RAB3GAP2: variants seen among roughly 807,000 people sequenced by gnomAD.
The protein encoded by RAB3GAP2 is rab3 GTPase-activating protein non-catalytic subunit.
RAB3GAP2 carries 87 observed loss-of-function variants against 185.3 expected under a neutral mutation model. The observed-to-expected ratio is 0.47, with a 90% CI of 0.39 to 0.56. The LOEUF is 0.56. Among genes scored for constraint, RAB3GAP2 ranks in the 20% least tolerant of loss-of-function variants. The pLI is 0.00. For synonymous variants in RAB3GAP2, 554 were observed against 576.1 expected (o/e 0.96, Z 0.55); for missense variants, 1,492 against 1,638.2 (o/e 0.91, Z 1.54).
At chr1:220,262,084 T>C (rs1371334330) in intron 1 of RAB3GAP2, among the ~76,000 whole-genome samples, 1 of 146,676 alleles carries the variant, frequency 6.8e-6, no homozygotes, top group Non-Finnish European at 1.5e-5. Flanking sequence ...GGTCAGGAGA[T>C]CGAGACCATC....
chr1:220,170,316 C>T (rs972015110), intron 24 of RAB3GAP2, among the ~76,000 whole-genome samples: 2 of 151,840 alleles, frequency 1.3e-5, no homozygotes, highest in Admixed American at 1.3e-4. Flanking sequence ...TACCTAATGT[C>T]GATGATGGGT....
Position 220,157,284 on chromosome 1 carries a change from G to C in RAB3GAP2, c.3541C>G (p.Leu1181Val). 3 of 1,613,782 alleles carry C rather than the reference G, an allele frequency of 1.9e-6. No individual in the cohort carries two copies. The highest frequency in any genetic ancestry group is 2.5e-6 in the Non-Finnish European group (3 of 1,179,794). The change falls in exon 31 of 35, where the codon CTT (leucine) becomes GTT (valine). Residue 1181 changes from leucine to valine, a missense_variant. By Grantham distance (32) the Leu-to-Val change is conservative. Around this residue, in one of 5 missense-constraint regions of RAB3GAP2, gnomAD observed 387 missense variants for 455.3 expected, o/e 0.85. Coordinates refer to ENST00000358951, the MANE Select transcript of RAB3GAP2 (RefSeq NM_012414.4). ...GAGGTACTTACCTTACTGTCAAAAAGTGAAAGTGGCTTCACGGTCTTCAGA... is the reference window on the plus strand; with the variant it reads ...GAGGTACTTACCTTACTGTCAAAAACTGAAAGTGGCTTCACGGTCTTCAGA... ...FSLKTVKPLS[L>V]FDSKGKNAFF...
intron 21 of RAB3GAP2, among the ~76,000 whole-genome samples, chr1:220,178,909 TAGCTTAGG>T (rs1558146095): frequency 6.6e-6 from 1 of 151,932 alleles, no homozygotes; most frequent in African/African-American, 2.4e-5. Context: ...GAGGAGATAA[TAGCTTAGG>T]CCCAGGAATA....
chr1:220,169,940 A>C (rs1318352163), intron 24 of RAB3GAP2, among the ~76,000 whole-genome samples: 1 of 152,232 alleles, frequency 6.6e-6, no homozygotes, highest in East Asian at 1.9e-4. Context: ...AAGGATTATA[A>C]ATCATTCTTC....
chr1:220,227,563 G>A (rs1659423714), intron 2 of RAB3GAP2, among the ~76,000 whole-genome samples: 1 of 152,290 alleles, frequency 6.6e-6, no homozygotes, highest in Admixed American at 6.5e-5. Flanking sequence ...CTGTGGCAGT[G>A]GCTGCTGCTC....
chr1:220,166,990 GA>G (rs1438262184), intron 26 of RAB3GAP2, among the ~76,000 whole-genome samples: 3 of 152,174 alleles, frequency 2.0e-5, no homozygotes, highest in Non-Finnish European at 4.4e-5. Flanking sequence ...TTTAGATAAA[GA>G]GAACCATATG....
At chr1:220,230,346 C>T (rs536544044) in intron 2 of RAB3GAP2, among the ~76,000 whole-genome samples, 11 of 152,270 alleles carry the variant, frequency 7.2e-5, no homozygotes, top group Admixed American at 3.3e-4. Context: ...AGTTTAAATC[C>T]GGAGTAAGCA....
chr1:220,248,016 A>G (rs1403205379), intron 1 of RAB3GAP2, among the ~76,000 whole-genome samples: 2 of 151,108 alleles, frequency 1.3e-5, no homozygotes, highest in East Asian at 2.0e-4. Context: ...TTTTAAATAA[A>G]AATATTATGA....
At chr1:220,223,978 C>T (rs1659357434) in intron 2 of RAB3GAP2, among the ~76,000 whole-genome samples, 1 of 135,510 alleles carries the variant, frequency 7.4e-6, no homozygotes, top group South Asian at 2.3e-4. Flanking sequence ...TGCACTCCAA[C>T]CTGGGTGACA....
At chr1:220,213,350 GAC>G (rs1659118605) in intron 3 of RAB3GAP2, among the ~76,000 whole-genome samples, 1 of 151,890 alleles carries the variant, frequency 6.6e-6, no homozygotes, top group Admixed American at 6.6e-5. Context: ...GACCATTCTA[GAC>G]ACATTTTACA....
intron 21 of RAB3GAP2, among the ~76,000 whole-genome samples, chr1:220,179,014 A>C (rs1047709011): frequency 6.6e-6 from 1 of 152,202 alleles, no homozygotes; most frequent in African/African-American, 2.4e-5. Flanking sequence ...ATAAAGGCTA[A>C]CATAGACTGA....
intron 2 of RAB3GAP2, among the ~76,000 whole-genome samples, chr1:220,230,005 A>T (rs1440826137): frequency 6.6e-6 from 1 of 152,234 alleles, no homozygotes; most frequent in Non-Finnish European, 1.5e-5. Context: ...CTCCAAGCAC[A>T]TCCCTTTCTG....
At chr1:220,269,457 C>T (rs1342838848) in intron 1 of RAB3GAP2, among the ~76,000 whole-genome samples, 2 of 152,202 alleles carry the variant, frequency 1.3e-5, no homozygotes, top group Non-Finnish European at 2.9e-5. Flanking sequence ...GGTGTGGTGG[C>T]TCATGACTGT....
At chr1:220,151,508 G>T in intron 34 of RAB3GAP2, 98 bp downstream of exon 34, 1 of 1,591,538 alleles carries the variant, frequency 6.3e-7, no homozygotes, top group Non-Finnish European at 8.6e-7. Flanking sequence ...GTAACTAGGT[G>T]AATTAAACTT....
At chr1:220,190,876 C>T (rs1359934523) in intron 14 of RAB3GAP2, among the ~76,000 whole-genome samples, 192 bp downstream of exon 14, 3 of 151,868 alleles carry the variant, frequency 2.0e-5, no homozygotes, top group Admixed American at 2.0e-4. Context: ...TCTATCATGG[C>T]ATTTTTAATT....
intron 19 of RAB3GAP2, 91 bp downstream of exon 19, chr1:220,183,945 T>G (rs976256449): frequency 7.5e-5 from 87 of 1,152,432 alleles, no homozygotes; most frequent in Non-Finnish European, 9.9e-5. Context: ...TAAAAAAAAT[T>G]CTTAATTTTC....
At chr1:220,183,936 A>T (rs1042824137) in intron 19 of RAB3GAP2, 100 bp downstream of exon 19, 8 of 1,064,248 alleles carry the variant, frequency 7.5e-6, no homozygotes, top group East Asian at 2.8e-5. Context: ...TTAAAGCTTT[A>T]AAAAAAATTC....
intron 32 of RAB3GAP2, 170 bp from the exon 33 acceptor site, chr1:220,153,576 GAA>G: frequency 2.0e-6 from 1 of 498,470 alleles, no homozygotes; most frequent in South Asian, 4.5e-5. Flanking sequence ...AGAATACTTT[GAA>G]ATTGGTCTTT....
chr1:220,220,467 T>C (rs1296227464), intron 2 of RAB3GAP2: 1 of 152,492 alleles, frequency 6.6e-6, no homozygotes, highest in Non-Finnish European at 1.5e-5. Flanking sequence ...TCAGTCCATG[T>C]GCATCATCAC....
Sources: gnomAD v4.1 joint callset for allele counts (sites outside exome capture counted in the v4.1 genomes callset) on GRCh38, gnomAD v4.1.1 for gene constraint, gnomAD v4.1.1 regional missense constraint, MANE v1.5 for transcripts, NCBI Gene and HGNC (gene_info 2026-07-23, HGNC 2026-07-21) for gene names.